ITLN1: variants seen among roughly 807,000 people sequenced by gnomAD.
ITLN1 encodes intelectin-1.
In ITLN1, 29 loss-of-function variants were observed where a neutral mutation model predicts 36.2. The observed-to-expected ratio is 0.80, with a 90% CI of 0.60 to 1.09. The LOEUF is 1.09. ITLN1 is among the 50% of genes least tolerant of loss of function. The probability of loss-of-function intolerance (pLI) is 0.00; values close to 1 mark genes in which losing one functional copy is unlikely to be tolerated. For missense variants in ITLN1, 358 were observed against 405.2 expected (o/e 0.88, Z 1.00); for synonymous variants, 143 against 146.5 (o/e 0.98, Z 0.17).
In ITLN1 at chr1:160,876,821, G is replaced by A; in HGVS notation, c.790-5C>T. 1.2e-6 allele frequency: 2 copies of A among 1,613,472 alleles called. No individual in the cohort carries two copies. The highest frequency in any genetic ancestry group is 1.7e-6 in the Non-Finnish European group (2 of 1,179,748). On this transcript the variant is annotated splice_polypyrimidine_tract_variant and splice_region_variant and intron_variant, in intron 7 of 7. Coordinates refer to ENST00000326245, the MANE Select transcript of ITLN1 (RefSeq NM_017625.3). ...TCCTCCTCCACCAATGCAGTGCTGG[G>A]AAACAAAGAGAGGAAGAGGCAGTAA...
Position 160,880,629 on chromosome 1 carries a change from T to C in ITLN1, c.644A>G (p.Asp215Gly), listed in dbSNP as rs1455262565. Residue 215 changes from aspartate (D) to glycine (G), a missense_variant, in exon 6 of 8, where the codon GAC becomes GGC. Asp to Gly is a moderately conservative substitution (Grantham distance 94). Transcript: ENST00000326245. ...PVIPVVYDFG[D>G]AQKTASYYSP... ...GTAATAAGATGCTGTTTTCTGGGCG[T>C]CGCCAAAATCATAGACCACAGGGAT... The C allele has an allele frequency of 6.2e-7, 1 of 1,614,118 alleles. No homozygotes were observed. The highest frequency in any genetic ancestry group is 1.1e-5 in the South Asian group (1 of 91,082).
chr1:160,883,102 A>G (rs1401279496), intron 3 of ITLN1, among the ~76,000 whole-genome samples: 1 of 152,134 alleles, frequency 6.6e-6, no homozygotes, highest in East Asian at 1.9e-4. Flanking sequence ...TCCTGGCCTC[A>G]ACTGATCCAC....
intron 2 of ITLN1, among the ~76,000 whole-genome samples, chr1:160,883,932 AAAAG>A (rs1272983600): frequency 3.3e-5 from 5 of 152,228 alleles, no homozygotes; most frequent in Admixed American, 6.5e-5. Flanking sequence ...TCAAGAGAAC[AAAAG>A]AAAGACTCTG....
Position 160,882,169 on chromosome 1 carries a change from T to G in ITLN1, c.193A>C (p.Ile65Leu). Residue 65 changes from isoleucine to leucine, a missense_variant, in exon 4 of 8, where the codon ATC (isoleucine) becomes CTC (leucine). Physicochemically the swap from Ile to Leu is conservative, Grantham distance 5. Coordinates refer to ENST00000326245, the MANE Select transcript of ITLN1 (RefSeq NM_017625.3). Reference sequence around the variant, plus strand: ...GTCATGTCACAGAAGGTCTGGTAGATAACACCATTCTCAGTGCGGAGAAAA... The same window carrying G: ...GTCATGTCACAGAAGGTCTGGTAGAGAACACCATTCTCAGTGCGGAGAAAA... ...LYFLRTENGV[I>L]YQTFCDMTSG... 1 of 1,603,104 alleles carries G rather than the reference T, an allele frequency of 6.2e-7. No homozygotes were observed. The highest frequency in any genetic ancestry group is 8.5e-7 in the Non-Finnish European group (1 of 1,173,710).
At chr1:160,879,756 T>C (rs1475821927) in intron 6 of ITLN1, among the ~76,000 whole-genome samples, 2 of 152,254 alleles carry the variant, frequency 1.3e-5, no homozygotes, top group African/African-American at 4.8e-5. Context: ...ACTCTGTTCC[T>C]GTTTACATTT....
In ITLN1 at chr1:160,880,696, T is replaced by G; in HGVS notation, c.577A>C (p.Lys193Gln). 6.2e-7 allele frequency: 1 copy of G among 1,614,104 alleles called. No individual in the cohort carries two copies. The highest frequency in any genetic ancestry group is 8.5e-7 in the Non-Finnish European group (1 of 1,180,008). ...LFGIYQKYPVKYGEGKCWTDN... is the reference protein window; with the variant it reads ...LFGIYQKYPVQYGEGKCWTDN... ...GTCCAACACTTTCCTTCTCCATATT[T>G]CACTGGATATTTCTACAAAGAACAC... The change falls in exon 6 of 8, where the codon AAA (lysine) becomes CAA (glutamine). Residue 193 changes from lysine (K) to glutamine (Q), a missense_variant. By Grantham distance (53) the Lys-to-Gln change is moderately conservative (BLOSUM62 1). Transcript: ENST00000326245.
At chr1:160,883,615 G>A in intron 2 of ITLN1, 89 bp from the exon 3 acceptor site, 1 of 910,332 alleles carries the variant, frequency 1.1e-6, no homozygotes, top group South Asian at 1.4e-5. Context: ...TTCCACCACT[G>A]TAGCAGAACC....
rs144985706 is a variant in ITLN1 at position 160,882,159 on chromosome 1, G to C, written c.203C>G (p.Thr68Ser). The change falls in exon 4 of 8, where the codon ACC (threonine) becomes AGC (serine). Residue 68 changes from threonine (T) to serine (S), a missense_variant. Thr to Ser is a moderately conservative substitution (Grantham distance 58). Coordinates refer to ENST00000326245, the MANE Select transcript of ITLN1 (RefSeq NM_017625.3). ...ACCCCCAGAGGTCATGTCACAGAAG[G>C]TCTGGTAGATAACACCATTCTCAGT... is the stretch of plus-strand genomic sequence containing the variant. ...LRTENGVIYQ[T>S]FCDMTSGGGG... 1 of 1,608,352 alleles carries C rather than the reference G, an allele frequency of 6.2e-7. No homozygotes were observed. Among genetic ancestry groups the C allele is most frequent in the Non-Finnish European group, 8.5e-7 (1 of 1,176,808 alleles).
At chr1:160,877,666 C>T (rs1455861625) in intron 7 of ITLN1, among the ~76,000 whole-genome samples, 5 of 152,226 alleles carry the variant, frequency 3.3e-5, no homozygotes, top group African/African-American at 7.2e-5. Context: ...TACTTCCTTG[C>T]CCATCCTCTG....
intron 6 of ITLN1, among the ~76,000 whole-genome samples, 167 bp downstream of exon 6, chr1:160,880,421 A>C (rs1393248595): frequency 2.0e-5 from 3 of 152,154 alleles, no homozygotes; most frequent in Non-Finnish European, 4.4e-5. Context: ...TCCTAAAATG[A>C]GGTTAATAAA....
chr1:160,879,425 G>A lies in ITLN1; in HGVS notation c.686-11C>T. On this transcript the variant is annotated splice_polypyrimidine_tract_variant and intron_variant, in intron 6 of 7. Transcript: ENST00000326245. ...CCGCAGTGAATTCCCCTGAAAACAA[G>A]AGGCAGAAAACAGCATTCAAGGAAG... 1 of 1,609,428 alleles carries A rather than the reference G, an allele frequency of 6.2e-7. No individual in the cohort carries two copies. The highest frequency in any genetic ancestry group is 8.5e-7 in the Non-Finnish European group (1 of 1,175,768).
intron 1 of ITLN1, 52 bp from the exon 2 acceptor site, chr1:160,884,935 T>C: frequency 8.3e-7 from 1 of 1,201,568 alleles, no homozygotes; most frequent in Non-Finnish European, 1.2e-6. Context: ...TTTCTCTACA[T>C]CCCTGCCCCA....
At chr1:160,882,354 C>T in intron 3 of ITLN1, 150 bp from the exon 4 acceptor site, 1 of 865,886 alleles carries the variant, frequency 1.2e-6, no homozygotes, top group Non-Finnish European at 1.7e-6. Flanking sequence ...GTACTGGGGC[C>T]TCCCTGAGTT....
At chr1:160,884,274 C>T (rs916327198) in intron 2 of ITLN1, among the ~76,000 whole-genome samples, 4 of 152,014 alleles carry the variant, frequency 2.6e-5, no homozygotes, top group African/African-American at 4.8e-5. Flanking sequence ...GCAAACTATT[C>T]GAACAGTCTA....
chr1:160,879,324 C>T lies in ITLN1; in HGVS notation c.776G>A (p.Cys259Tyr), dbSNP rs1670641461. Residue 259 changes from cysteine (C) to tyrosine (Y), a missense_variant, in exon 7 of 8, where the codon TGT becomes TAT. Transcript: ENST00000326245. ...ALCAGMRVTG[C>Y]NTEHHCIGGG... ...ACAGAGACTCACGTGCTCAGTGTTA[C>T]ATCCGGTGACCCTCATTCCAGCACA... The T allele has an allele frequency of 6.2e-7, 1 of 1,613,634 alleles. No homozygotes were observed. The highest frequency in any genetic ancestry group is 1.3e-5 in the African/African-American group (1 of 74,900).
At chr1:160,881,859 T>A in intron 4 of ITLN1, 98 bp downstream of exon 4, 77 of 1,150,696 alleles carry the variant, frequency 6.7e-5, no homozygotes, top group Non-Finnish European at 8.8e-5. Context: ...CTCCAGCCCA[T>A]CCCACACCCC....
chr1:160,879,379 A>G lies in ITLN1; in HGVS notation c.721T>C (p.Phe241Leu). ...GCGTTGGCTGCTCTCTCGTTATTAA[A>G]TACCCTGAACTGAACAAATCCCGCA... is the stretch of plus-strand genomic sequence containing the variant. ...FTAGFVQFRV[F>L]NNERAANALC... Residue 241 changes from phenylalanine (F) to leucine (L), a missense_variant, in exon 7 of 8, where the codon TTT becomes CTT. Phe to Leu is a conservative substitution (Grantham distance 22, BLOSUM62 0). Transcript: ENST00000326245. 6.2e-7 allele frequency: 1 copy of G among 1,614,182 alleles called. No homozygotes were observed. The highest frequency in any genetic ancestry group is 8.5e-7 in the Non-Finnish European group (1 of 1,180,018).
At chr1:160,880,229 T>C (rs1018547159) in intron 6 of ITLN1, among the ~76,000 whole-genome samples, 4 of 151,270 alleles carry the variant, frequency 2.6e-5, no homozygotes, top group African/African-American at 7.3e-5. Context: ...CATTTGAACC[T>C]GGGAGGCACA....
intron 4 of ITLN1, among the ~76,000 whole-genome samples, 142 bp downstream of exon 4, chr1:160,881,804 GAAAAAAAAAAA>G (rs56380748): frequency 8.0e-6 from 1 of 125,268 alleles, no homozygotes. Context: ...TCCGTCTCAA[GAAAAAAAAAAA>G]AAAAAAAAAA....
Sources: allele counts gnomAD v4.1 joint callset (sites outside exome capture counted in the v4.1 genomes callset), GRCh38; gene constraint gnomAD v4.1.1; transcripts MANE v1.5; gene names NCBI Gene and HGNC (gene_info 2026-07-23, HGNC 2026-07-21).